The following SLX4IP variants were observed in gnomAD, a reference collection of about 807,000 sequenced individuals.
SLX4IP encodes SLX4 interacting protein, also known as protein SLX4IP.
SLX4IP carries 34 observed loss-of-function variants against 32.9 expected under a neutral mutation model. That is an observed-to-expected ratio of 1.03 (90% CI 0.79 to 1.38). SLX4IP has a LOEUF of 1.38. Ranked by LOEUF, SLX4IP falls within the 40% of genes most tolerant of loss-of-function variation. SLX4IP has a pLI of 0.00. For synonymous variants in SLX4IP, 172 were observed against 171.7 expected (o/e 1.00, Z -0.01); for missense variants, 444 against 479.0 (o/e 0.93, Z 0.68).
intron 4 of SLX4IP, among the ~76,000 whole-genome samples, chr20:10,586,466 T>A (rs965584683): frequency 2.1e-4 from 32 of 152,200 alleles, no homozygotes; most frequent in Admixed American, 9.8e-4. Flanking sequence ...TGGCTGAAGC[T>A]CCATTCAAAA....
intron 4 of SLX4IP, among the ~76,000 whole-genome samples, chr20:10,591,524 A>G (rs2066710203): frequency 6.6e-6 from 1 of 152,222 alleles, no homozygotes; most frequent in Admixed American, 6.5e-5. Context: ...TGAACAGCTA[A>G]TAGTTCAAAC....
At chr20:10,518,480 TTCCTTTCCTTTTC>T in intron 2 of SLX4IP, among the ~76,000 whole-genome samples, 1 of 46,084 alleles carries the variant, frequency 2.2e-5, no homozygotes, top group African/African-American at 5.8e-5. Flanking sequence ...TTCTTTTCCT[TTCCTTTCCTTTTC>T]CTTCCTTCCT....
At chr20:10,486,173 T>C (rs547892659) in intron 2 of SLX4IP, among the ~76,000 whole-genome samples, 1 of 126,154 alleles carries the variant, frequency 7.9e-6, no homozygotes, top group South Asian at 2.7e-4. Context: ...AATTATCAAC[T>C]CCTTGCTTAA....
At chr20:10,551,151 A>G (rs538548039) in intron 2 of SLX4IP, among the ~76,000 whole-genome samples, 5 of 152,350 alleles carry the variant, frequency 3.3e-5, no homozygotes, top group African/African-American at 1.2e-4. Context: ...ACCTCCGAGG[A>G]CTTGGAAATA....
intron 4 of SLX4IP, among the ~76,000 whole-genome samples, chr20:10,564,289 A>AC (rs1414927071): frequency 1.3e-5 from 2 of 152,196 alleles, no homozygotes; most frequent in Admixed American, 6.5e-5. Context: ...CTGTTTCAAA[A>AC]CCAAGTTCAA....
At chr20:10,490,723 T>C (rs1308149674) in intron 2 of SLX4IP, among the ~76,000 whole-genome samples, 1 of 152,196 alleles carries the variant, frequency 6.6e-6, no homozygotes, top group Non-Finnish European at 1.5e-5. Flanking sequence ...CAGTTTGAAA[T>C]TATTGGCCAT....
intron 2 of SLX4IP, among the ~76,000 whole-genome samples, chr20:10,472,866 T>TTTTTG (rs1442559808): frequency 6.6e-6 from 1 of 152,330 alleles, no homozygotes; most frequent in South Asian, 2.1e-4. Context: ...CATTGAGGTT[T>TTTTTG]TTTTGTTTTG....
At chr20:10,586,492 G>A (rs187944813) in intron 4 of SLX4IP, among the ~76,000 whole-genome samples, 139 of 152,294 alleles carry the variant, frequency 9.1e-4, no homozygotes, top group Non-Finnish European at 1.2e-3. Flanking sequence ...CAGTCACAAG[G>A]AATGCCTCTA....
intron 2 of SLX4IP, among the ~76,000 whole-genome samples, chr20:10,472,307 T>G (rs1006898446): frequency 3.3e-5 from 5 of 151,768 alleles, no homozygotes; most frequent in Admixed American, 6.6e-5. Flanking sequence ...CTCGGCTTAC[T>G]GCAACCTGTG....
chr20:10,610,659 T>A (rs1165959085), intron 6 of SLX4IP, among the ~76,000 whole-genome samples: 1 of 152,240 alleles, frequency 6.6e-6, no homozygotes, highest in Non-Finnish European at 1.5e-5. Flanking sequence ...TCAGAACAAA[T>A]GTCCATCATC....
intron 4 of SLX4IP, among the ~76,000 whole-genome samples, chr20:10,587,686 A>G (rs543285740): frequency 6.8e-4 from 103 of 152,308 alleles, no homozygotes; most frequent in African/African-American, 2.5e-3. Context: ...GAGCCCAGAA[A>G]TAAACTCATG....
intron 2 of SLX4IP, among the ~76,000 whole-genome samples, chr20:10,491,817 G>A (rs959106844): frequency 6.6e-6 from 1 of 152,118 alleles, no homozygotes; most frequent in Non-Finnish European, 1.5e-5. Flanking sequence ...TTTAATACCC[G>A]TGTATGTCTC....
At chr20:10,601,625 G>T in intron 5 of SLX4IP, 106 bp from the exon 6 acceptor site, 1 of 823,608 alleles carries the variant, frequency 1.2e-6, no homozygotes. Flanking sequence ...TGTTTTATAT[G>T]GATGTGCATA....
chr20:10,448,127 T>G (rs768604076), intron 1 of SLX4IP, among the ~76,000 whole-genome samples: 1 of 152,136 alleles, frequency 6.6e-6, no homozygotes, highest in Non-Finnish European at 1.5e-5. Flanking sequence ...TAAAATTGCT[T>G]TTAGATTATT....
At chr20:10,544,776 AG>A (rs1389191858) in intron 2 of SLX4IP, among the ~76,000 whole-genome samples, 6 of 151,690 alleles carry the variant, frequency 4.0e-5, no homozygotes, top group African/African-American at 1.5e-4. Context: ...TTTACTTGTG[AG>A]TTTTACAGTT....
At chr20:10,569,175 A>ATTTTTTTT (rs555310488) in intron 4 of SLX4IP, among the ~76,000 whole-genome samples, 2 of 129,950 alleles carry the variant, frequency 1.5e-5, no homozygotes, top group African/African-American at 2.9e-5. Flanking sequence ...CCAGATCTAG[A>ATTTTTTTT]TTTTTTTTTT....
chr20:10,538,063 A>G (rs113494241), intron 2 of SLX4IP, among the ~76,000 whole-genome samples: 4,422 of 152,274 alleles, frequency 0.029, 110 homozygotes, highest in Admixed American at 0.09. Context: ...TAATCCCATG[A>G]AGAAAGCAGT....
At position 10,624,304 on chromosome 20, in the gene SLX4IP, G is replaced by A. The variant is rs1365608977; in HGVS notation, c.*925G>A. The stretch of plus-strand genomic sequence containing the variant: ...ACCTCCAGGATTTTGGTTTGGGACA[G>A]ACTATAACCTAACAGGAACTCAGTG... On this transcript the variant is annotated 3_prime_UTR_variant, in exon 8 of 8. Coordinates refer to ENST00000334534, the MANE Select transcript of SLX4IP (RefSeq NM_001009608.3). 1.3e-5 allele frequency: 2 copies of A among 152,218 alleles called. No homozygotes were observed. Among genetic ancestry groups the A allele is most frequent in the Non-Finnish European group, 1.5e-5 (1 of 68,046 alleles). The allele number at this position is 152,218 out of a possible 1,614,324, so 9.4% of individuals were successfully genotyped here.
In SLX4IP at chr20:10,616,544, T is replaced by TAC. The variant is rs144428564; in HGVS notation, c.406-4759_406-4758dup. ...ACAAGATCTGCCTTTTCACCACCAG[T>TAC]ACACACACACACCCCTCTTTCCTGC... On this transcript the variant is annotated intron_variant, in intron 6 of 7. Coordinates refer to ENST00000334534, the MANE Select transcript of SLX4IP (RefSeq NM_001009608.3). Among the ~76,000 whole-genome samples the TAC allele has an allele frequency of 3.0e-3, 457 of 151,968 alleles. 6 individuals carry two copies. Among genetic ancestry groups the TAC allele is most frequent in the South Asian group, 0.012 (60 of 4,812 alleles).
Sources: gnomAD v4.1 joint callset for allele counts (sites outside exome capture counted in the v4.1 genomes callset) on GRCh38, gnomAD v4.1.1 for gene constraint, MANE v1.5 for transcripts, NCBI Gene and HGNC (gene_info 2026-07-23, HGNC 2026-07-21) for gene names.